The following KCNH7 variants were observed in gnomAD, a reference collection of about 807,000 sequenced individuals.
KCNH7 encodes the protein potassium voltage-gated channel subfamily H member 7.
In KCNH7, 49 loss-of-function variants were observed where a neutral mutation model predicts 120.8. That is an observed-to-expected ratio of 0.41 (90% CI 0.32 to 0.51). The LOEUF is 0.51. KCNH7 is among the 20% of genes least tolerant of loss of function. KCNH7 has a pLI of 0.38. For missense variants in KCNH7, 1,097 were observed against 1,446.6 expected (o/e 0.76, Z 3.92); for synonymous variants, 547 against 516.1 (o/e 1.06, Z -0.81).
At chr2:162,622,978 T>G (rs1256291714) in intron 2 of KCNH7, among the ~76,000 whole-genome samples, 1 of 152,144 alleles carries the variant, frequency 6.6e-6, no homozygotes, top group Non-Finnish European at 1.5e-5. Context: ...TGAACCTAAT[T>G]AGCCCAAAGA....
At chr2:162,731,896 AC>A (rs1465139135) in intron 2 of KCNH7, among the ~76,000 whole-genome samples, 1 of 152,220 alleles carries the variant, frequency 6.6e-6, no homozygotes, top group Non-Finnish European at 1.5e-5. Flanking sequence ...TTTACTAATT[AC>A]AAAAATATAA....
intron 2 of KCNH7, among the ~76,000 whole-genome samples, chr2:162,738,495 G>C (rs1029739179): frequency 6.6e-6 from 1 of 152,158 alleles, no homozygotes; most frequent in Admixed American, 6.5e-5. Flanking sequence ...CTTGCTGACA[G>C]AGGCTTTCAG....
chr2:162,687,452 C>T (rs1249474005), intron 2 of KCNH7, among the ~76,000 whole-genome samples: 4 of 152,046 alleles, frequency 2.6e-5, no homozygotes, highest in Admixed American at 2.6e-4. Flanking sequence ...TATTGGACAA[C>T]ATTTTATTAT....
intron 2 of KCNH7, chr2:162,796,806 C>T (rs529058024): frequency 2.6e-5 from 4 of 151,832 alleles, no homozygotes; most frequent in Non-Finnish European, 5.9e-5. Context: ...TTGGCCATAC[C>T]TGGGACTTTT....
At chr2:162,580,924 G>C (rs1693845351) in intron 2 of KCNH7, among the ~76,000 whole-genome samples, 1 of 152,004 alleles carries the variant, frequency 6.6e-6, no homozygotes, top group Non-Finnish European at 1.5e-5. Context: ...TATAGAGAAA[G>C]GAGTGAAATG....
intron 2 of KCNH7, among the ~76,000 whole-genome samples, chr2:162,577,399 A>G (rs906662183): frequency 6.7e-6 from 1 of 149,464 alleles, no homozygotes; most frequent in Non-Finnish European, 1.5e-5. Flanking sequence ...CTATCTATCC[A>G]TCTATCTATC....
At position 162,384,959 on chromosome 2, in the gene KCNH7, A is replaced by C. The variant is rs758159725; in HGVS notation, c.2711-20T>G. 1 of 1,581,604 alleles carries C rather than the reference A, an allele frequency of 6.3e-7. No homozygotes were observed. The highest frequency in any genetic ancestry group is 8.6e-7 in the Non-Finnish European group (1 of 1,161,632). On this transcript the variant is annotated intron_variant, in intron 12 of 15. Transcript: ENST00000332142. ...TGTTTTCTTTGCCAAAATATATCAA[A>C]GAAAAGTTATTTTATAGCAGACAAT...
chr2:162,475,978 G>A (rs1689727335), intron 6 of KCNH7, among the ~76,000 whole-genome samples: 1 of 152,176 alleles, frequency 6.6e-6, no homozygotes, highest in South Asian at 2.1e-4. Context: ...GCAATCAATG[G>A]GTGAGATAAT....
chr2:162,567,966 A>G (rs1189904103), intron 2 of KCNH7, among the ~76,000 whole-genome samples: 1 of 152,032 alleles, frequency 6.6e-6, no homozygotes, highest in Non-Finnish European at 1.5e-5. Flanking sequence ...GTATTAGTCC[A>G]TTCTCACGTT....
chr2:162,484,747 G>T (rs1445541229), intron 6 of KCNH7, among the ~76,000 whole-genome samples: 4 of 152,162 alleles, frequency 2.6e-5, no homozygotes, highest in Non-Finnish European at 4.4e-5. Context: ...GGTAATGAGT[G>T]AATTCTTGCT....
chr2:162,749,267 T>A, intron 2 of KCNH7, among the ~76,000 whole-genome samples: 1 of 151,816 alleles, frequency 6.6e-6, no homozygotes, highest in East Asian at 1.9e-4. Context: ...TCGATCACCT[T>A]TTTTTTAAAC....
chr2:162,547,540 C>G (rs1435957382), intron 2 of KCNH7, among the ~76,000 whole-genome samples: 1 of 152,150 alleles, frequency 6.6e-6, no homozygotes, highest in African/African-American at 2.4e-5. Flanking sequence ...TCTTGACATT[C>G]TTTGTCTTAT....
intron 6 of KCNH7, among the ~76,000 whole-genome samples, chr2:162,479,120 G>C (rs1689841300): frequency 6.7e-6 from 1 of 148,934 alleles, no homozygotes; most frequent in Non-Finnish European, 1.5e-5. Context: ...ACCTCTGACT[G>C]ATAGAATGAG....
At chr2:162,591,036 T>C (rs1374146911) in intron 2 of KCNH7, among the ~76,000 whole-genome samples, 4 of 152,012 alleles carry the variant, frequency 2.6e-5, no homozygotes, top group Non-Finnish European at 5.9e-5. Flanking sequence ...CCCAATGCCC[T>C]TGGGGATTTG....
intron 2 of KCNH7, among the ~76,000 whole-genome samples, chr2:162,681,539 T>A (rs1685710420): frequency 6.6e-6 from 1 of 151,768 alleles, no homozygotes; most frequent in Non-Finnish European, 1.5e-5. Context: ...ATGTACAGAC[T>A]TCTCCTTCAG....
chr2:162,425,360 A>G (rs1558938185), intron 8 of KCNH7, among the ~76,000 whole-genome samples: 1 of 152,074 alleles, frequency 6.6e-6, no homozygotes, highest in Non-Finnish European at 1.5e-5. Context: ...GGAGATCTCT[A>G]GTGAGGCTGA....
At chr2:162,617,607 T>C (rs1683194604) in intron 2 of KCNH7, among the ~76,000 whole-genome samples, 1 of 152,112 alleles carries the variant, frequency 6.6e-6, no homozygotes, top group African/African-American at 2.4e-5. Context: ...GTTATATATA[T>C]AAAGCTGAGC....
intron 2 of KCNH7, among the ~76,000 whole-genome samples, chr2:162,694,187 A>G (rs1686209083): frequency 6.6e-6 from 1 of 152,182 alleles, no homozygotes; most frequent in South Asian, 2.1e-4. Context: ...AAGTATTATA[A>G]AGAACTCTCA....
chr2:162,791,860 G>C (rs1331475604), intron 2 of KCNH7, among the ~76,000 whole-genome samples: 1 of 152,036 alleles, frequency 6.6e-6, no homozygotes, highest in Non-Finnish European at 1.5e-5. Context: ...TCTTGTGCCA[G>C]TTTTCAGGGG....
Sources: gnomAD v4.1 joint callset for allele counts (sites outside exome capture counted in the v4.1 genomes callset) on GRCh38, gnomAD v4.1.1 for gene constraint, MANE v1.5 for transcripts, NCBI Gene and HGNC (gene_info 2026-07-23, HGNC 2026-07-21) for gene names.